TBC1D15: variants seen among roughly 807,000 people sequenced by gnomAD.
TBC1D15 encodes the protein GAP for RAB7.
TBC1D15 carries 39 observed loss-of-function variants against 95.4 expected under a neutral mutation model. That is an observed-to-expected ratio of 0.41 (90% CI 0.32 to 0.53). The LOEUF (loss-of-function observed/expected upper bound fraction) is 0.53, where lower values mean the gene tolerates loss of function less well. TBC1D15 is among the 20% of genes least tolerant of loss of function. The pLI, the probability that TBC1D15 is intolerant of heterozygous loss-of-function variation, is 0.29. For missense variants in TBC1D15, 733 were observed against 794.3 expected, an observed-to-expected ratio of 0.92 and a Z score of 0.93; for synonymous variants, 258 against 261.3, an observed-to-expected ratio of 0.99 and a Z score of 0.12.
Position 71,887,246 on chromosome 12 carries a change from A to G in TBC1D15, c.554+2225A>G, listed in dbSNP as rs555711722. ...ATCAAGTTGATCAACTACTATTTTTACTTGATCAACTATCAACTATTTTTA... is the reference window on the plus strand; with the variant it reads ...ATCAAGTTGATCAACTACTATTTTTGCTTGATCAACTATCAACTATTTTTA... On this transcript the variant is annotated intron_variant, in intron 5 of 16. Coordinates refer to ENST00000485960, the MANE Select transcript of TBC1D15 (RefSeq NM_001146213.3). 1.7e-4 allele frequency among the ~76,000 whole-genome samples: 26 copies of G among 152,292 alleles called. 1 individual carries two copies. The South Asian group carries it at 5.0e-3, about 29-fold the overall frequency.
At chr12:71,907,184 C>T (rs1400371536) in intron 11 of TBC1D15, 46 bp downstream of exon 11, 3 of 1,185,668 alleles carry the variant, frequency 2.5e-6, no homozygotes, top group Non-Finnish European at 3.6e-6. Context: ...AATATATTTA[C>T]TTTAGAGTTT....
At chr12:71,852,762 C>T (rs328778) in intron 1 of TBC1D15, among the ~76,000 whole-genome samples, 1 of 151,964 alleles carries the variant, frequency 6.6e-6, no homozygotes, top group Non-Finnish European at 1.5e-5. Flanking sequence ...TTTTACTCCA[C>T]TTCCCAGTAG....
At chr12:71,893,717 G>C (rs530799060) in intron 6 of TBC1D15, among the ~76,000 whole-genome samples, 2 of 151,844 alleles carry the variant, frequency 1.3e-5, no homozygotes, top group African/African-American at 4.8e-5. Flanking sequence ...TTGTTTTGAC[G>C]TCATGACAAT....
intron 1 of TBC1D15, chr12:71,849,536 C>G (rs2137897623): frequency 1.4e-6 from 1 of 728,152 alleles, no homozygotes; most frequent in South Asian, 1.4e-5. Flanking sequence ...GCTGTAGATT[C>G]AACTTCATTA....
chr12:71,842,619 T>G (rs1885296016), intron 1 of TBC1D15, among the ~76,000 whole-genome samples: 1 of 151,614 alleles, frequency 6.6e-6, no homozygotes, highest in African/African-American at 2.4e-5. Context: ...TCACTTGAGC[T>G]CAGGAGTTCA....
intron 11 of TBC1D15, among the ~76,000 whole-genome samples, chr12:71,912,940 A>G (rs1360805673): frequency 1.3e-5 from 2 of 152,116 alleles, no homozygotes; most frequent in African/African-American, 2.4e-5. Context: ...AAATTGTAAA[A>G]CAAGGATAAT....
At chr12:71,906,525 C>T (rs1900748568) in intron 10 of TBC1D15, among the ~76,000 whole-genome samples, 1 of 151,808 alleles carries the variant, frequency 6.6e-6, no homozygotes, top group Non-Finnish European at 1.5e-5. Flanking sequence ...ATAATTTGTC[C>T]TAAAGATGAT....
At chr12:71,867,268 A>G (rs898635863) in intron 1 of TBC1D15, among the ~76,000 whole-genome samples, 2 of 152,124 alleles carry the variant, frequency 1.3e-5, no homozygotes, top group Non-Finnish European at 2.9e-5. Context: ...CCATGTGGAA[A>G]TTTTCTGGTA....
intron 4 of TBC1D15, among the ~76,000 whole-genome samples, chr12:71,883,762 GT>G (rs1208843704): frequency 6.6e-6 from 1 of 152,084 alleles, no homozygotes; most frequent in African/African-American, 2.4e-5. Flanking sequence ...TTTAGGAAAG[GT>G]TTTTTAAAAT....
chr12:71,854,707 T>C, intron 1 of TBC1D15: 1 of 455,606 alleles, frequency 2.2e-6, no homozygotes, highest in Non-Finnish European at 4.4e-6. Context: ...TAAAGTGTCT[T>C]TTTTCTTCCT....
chr12:71,846,790 C>T (rs1414173705), intron 1 of TBC1D15, among the ~76,000 whole-genome samples: 3 of 144,264 alleles, frequency 2.1e-5, no homozygotes, highest in Non-Finnish European at 3.0e-5. Flanking sequence ...GAGACATGGC[C>T]TTGGTCCGTG....
At chr12:71,867,040 A>G (rs985762977) in intron 1 of TBC1D15, among the ~76,000 whole-genome samples, 3 of 152,248 alleles carry the variant, frequency 2.0e-5, no homozygotes, top group Admixed American at 6.5e-5. Flanking sequence ...AAGGACTACA[A>G]TATTCAATGA....
At chr12:71,841,219 C>G (rs922860650) in intron 1 of TBC1D15, 17 of 152,174 alleles carry the variant, frequency 1.1e-4, no homozygotes, top group African/African-American at 4.1e-4. Context: ...GTTTAAACAT[C>G]TCCCTCTTTC....
chr12:71,913,903 T>C lies in TBC1D15; in HGVS notation c.1378T>C (p.Phe460Leu). 1 of 1,595,120 alleles carries C rather than the reference T, an allele frequency of 6.3e-7. No homozygotes were observed. The highest frequency in any genetic ancestry group is 1.1e-5 in the South Asian group (1 of 87,532). ...AAATGAAGTGGATGCCTTTTGGTGCTTTGCCTCTTACATGGACCAAATGGT... is the reference window on the plus strand; with the variant it reads ...AAATGAAGTGGATGCCTTTTGGTGCCTTGCCTCTTACATGGACCAAATGGT... Reference protein sequence around the residue: ...MENEVDAFWCFASYMDQMHQN... With the variant: ...MENEVDAFWCLASYMDQMHQN... Residue 460 changes from phenylalanine to leucine, a missense_variant, in exon 12 of 17, where the codon TTT becomes CTT. Transcript: ENST00000485960.
intron 16 of TBC1D15, 103 bp from the exon 17 acceptor site, chr12:71,922,880 G>T: frequency 9.2e-7 from 1 of 1,083,962 alleles, no homozygotes; most frequent in Non-Finnish European, 1.4e-6. Context: ...TAGGACAAAT[G>T]CTCAGATTCT....
chr12:71,891,901 T>C (rs1221526923), intron 5 of TBC1D15, among the ~76,000 whole-genome samples: 1 of 152,138 alleles, frequency 6.6e-6, no homozygotes. Flanking sequence ...GGTTTGACTT[T>C]CATGAGCATT....
At position 71,872,989 on chromosome 12, in the gene TBC1D15, C is replaced by T. The variant is rs779701272; in HGVS notation, c.190C>T (p.Leu64Phe). 1 of 1,605,472 alleles carries T rather than the reference C, an allele frequency of 6.2e-7. No homozygotes were observed. The highest frequency in any genetic ancestry group is 8.5e-7 in the Non-Finnish European group (1 of 1,176,218). ...TGATGCATTAGATTCCTCTAGTATT[C>T]TCTATGCTAGAAAGGTATTTAAGAA... Reference protein sequence around the residue: ...LDDALDSSSILYARKDSSSVV... With the variant: ...LDDALDSSSIFYARKDSSSVV... Residue 64 changes from leucine to phenylalanine, a missense_variant, in exon 3 of 17, where the codon CTC (leucine) becomes TTC (phenylalanine). Physicochemically the swap from Leu to Phe is conservative, Grantham distance 22 (BLOSUM62 0). Coordinates refer to ENST00000485960, the MANE Select transcript of TBC1D15 (RefSeq NM_001146213.3).
At chr12:71,885,810 C>A (rs1566011245) in intron 5 of TBC1D15, among the ~76,000 whole-genome samples, 1 of 151,960 alleles carries the variant, frequency 6.6e-6, no homozygotes, top group African/African-American at 2.4e-5. Flanking sequence ...AAATGAGTGA[C>A]CACTATAAGG....
At chr12:71,849,167 A>C in intron 1 of TBC1D15, 1 of 265,694 alleles carries the variant, frequency 3.8e-6, no homozygotes, top group Non-Finnish European at 7.0e-6. Flanking sequence ...TGATTATAAA[A>C]AAAAAAAAAA....
Sources: allele counts gnomAD v4.1 joint callset (sites outside exome capture counted in the v4.1 genomes callset), GRCh38; gene constraint gnomAD v4.1.1; transcripts MANE v1.5; gene names NCBI Gene and HGNC (gene_info 2026-07-23, HGNC 2026-07-21).